CD109: variants seen among roughly 807,000 people sequenced by gnomAD.
CD109 encodes the protein CD109 antigen.
CD109 carries 149 observed loss-of-function variants against 165.8 expected under a neutral mutation model. The observed-to-expected ratio is 0.90, with a 90% CI of 0.79 to 1.03. The LOEUF (loss-of-function observed/expected upper bound fraction) is 1.03. Among genes scored for constraint, CD109 ranks in the 50% least tolerant of loss-of-function variants. The pLI is 0.00. For synonymous variants in CD109, 585 were observed against 592.1 expected (o/e 0.99, Z 0.18); for missense variants, 1,712 against 1,677.8 (o/e 1.02, Z -0.36).
At chr6:73,726,461 C>T (rs1445048557) in intron 3 of CD109, among the ~76,000 whole-genome samples, 1 of 152,098 alleles carries the variant, frequency 6.6e-6, no homozygotes, top group East Asian at 1.9e-4. Flanking sequence ...TTAATGGAAA[C>T]TATCATCTTA....
chr6:73,812,087 T>C (rs1243385574), intron 28 of CD109, 118 bp from the exon 29 acceptor site: 3 of 638,996 alleles, frequency 4.7e-6, no homozygotes, highest in Non-Finnish European at 8.4e-6. Flanking sequence ...GCAAAGCTCT[T>C]AGTGCTGTCA....
At position 73,723,163 on chromosome 6, in the gene CD109, A is replaced by C. The variant is rs1428051782; in HGVS notation, c.248-88A>C. ...ATTTATGATTCCACCTACACATGTA[A>C]GAGTATTGGGAGAGTTTTGGAAGGT... is the stretch of plus-strand genomic sequence containing the variant. On this transcript the variant is annotated intron_variant, in intron 2 of 32. Transcript: ENST00000287097. The C allele has an allele frequency of 6.3e-6, 10 of 1,596,224 alleles. No homozygotes were observed. In the Admixed American group the frequency reaches 1.1e-4, roughly 17 times the overall value.
intron 17 of CD109, among the ~76,000 whole-genome samples, chr6:73,782,232 A>C (rs1463768771): frequency 6.6e-6 from 1 of 152,174 alleles, no homozygotes; most frequent in Non-Finnish European, 1.5e-5. Context: ...AGATGTTATG[A>C]AGTCATTATG....
intron 31 of CD109, among the ~76,000 whole-genome samples, chr6:73,820,199 A>G (rs1385757667): frequency 2.0e-5 from 3 of 152,210 alleles, no homozygotes; most frequent in Non-Finnish European, 4.4e-5. Context: ...ATGCACCCTA[A>G]GGCTTGCTGC....
At chr6:73,821,114 C>T (rs1445827579) in intron 32 of CD109, among the ~76,000 whole-genome samples, 1 of 151,978 alleles carries the variant, frequency 6.6e-6, no homozygotes, top group Non-Finnish European at 1.5e-5. Context: ...CCAATGAGAA[C>T]ACTTGGACAC....
intron 23 of CD109, among the ~76,000 whole-genome samples, chr6:73,802,229 C>A (rs989444412): frequency 1.4e-5 from 2 of 141,976 alleles, no homozygotes; most frequent in Admixed American, 7.2e-5. Flanking sequence ...TGTAATGATA[C>A]TTCATTGCCA....
intron 23 of CD109, among the ~76,000 whole-genome samples, chr6:73,797,428 GAGAA>G (rs1775202217): frequency 1.3e-5 from 2 of 152,286 alleles, no homozygotes; most frequent in Admixed American, 6.5e-5. Flanking sequence ...ATAAAAATAA[GAGAA>G]AGAAAGCTTC....
rs945230947 is a variant in CD109 at position 73,767,006 on chromosome 6, A to G, written c.1493A>G (p.Tyr498Cys). Reference sequence around the variant, plus strand: ...AACAAACGATTGAAGGAGTTAAGCTATATGGTAATCTCTTATAGAATCTAA... The same window carrying G: ...AACAAACGATTGAAGGAGTTAAGCTGTATGGTAATCTCTTATAGAATCTAA... Reference protein sequence around the residue: ...SGNKRLKELSYMVVSRGQLVA... With the variant: ...SGNKRLKELSCMVVSRGQLVA... Residue 498 changes from tyrosine (Y) to cysteine (C), a missense_variant, in exon 13 of 33, where the codon TAT (tyrosine) becomes TGT (cysteine). Coordinates refer to ENST00000287097, the MANE Select transcript of CD109 (RefSeq NM_133493.5). 8.7e-6 allele frequency: 14 copies of G among 1,611,774 alleles called. No individual in the cohort carries two copies. Among genetic ancestry groups the G allele is most frequent in the Middle Eastern group, 1.7e-4 (1 of 5,916 alleles).
intron 23 of CD109, among the ~76,000 whole-genome samples, chr6:73,798,080 C>T (rs7763254): frequency 0.54 from 81,524 of 150,762 alleles, 22,539 homozygotes; most frequent in African/African-American, 0.66. Context: ...GTATTAACAA[C>T]AAACATTATA....
intron 2 of CD109, among the ~76,000 whole-genome samples, chr6:73,705,529 C>T (rs946841712): frequency 1.3e-5 from 2 of 152,070 alleles, no homozygotes; most frequent in African/African-American, 2.4e-5. Flanking sequence ...GTAGTCCCAG[C>T]TACTCAGGAG....
chr6:73,764,792 G>C (rs1773770883), intron 10 of CD109, among the ~76,000 whole-genome samples: 1 of 150,358 alleles, frequency 6.7e-6, no homozygotes, highest in South Asian at 2.1e-4. Flanking sequence ...CTCCAGCCTG[G>C]GCAACAAAAG....
At chr6:73,758,210 T>C (rs1773471344) in intron 6 of CD109, among the ~76,000 whole-genome samples, 1 of 152,138 alleles carries the variant, frequency 6.6e-6, no homozygotes, top group African/African-American at 2.4e-5. Context: ...TTTTTGATAC[T>C]TCTCTTATGT....
intron 28 of CD109, 56 bp from the exon 29 acceptor site, chr6:73,812,149 G>T: frequency 8.6e-7 from 1 of 1,161,054 alleles, no homozygotes; most frequent in Middle Eastern, 2.0e-4. Flanking sequence ...TTTGCTACTT[G>T]GAAGGATCTA....
intron 1 of CD109, among the ~76,000 whole-genome samples, chr6:73,697,052 A>C (rs1770867729): frequency 6.6e-6 from 1 of 152,214 alleles, no homozygotes; most frequent in Non-Finnish European, 1.5e-5. Flanking sequence ...TGTAAAGGAG[A>C]AGCTTAGAGA....
rs1373269205 is a variant in CD109 at position 73,825,355 on chromosome 6, TAA to T, written c.*1723_*1724del. 6.6e-6 allele frequency: 1 copy of T among 152,196 alleles called. No individual in the cohort carries two copies. The highest frequency in any genetic ancestry group is 1.5e-5 in the Non-Finnish European group (1 of 68,028). 9.4% of individuals were successfully genotyped at this position (152,196 alleles called of 1,614,324 possible). A position where few individuals can be genotyped will look rare whatever the true frequency, so the allele number is the denominator to read the frequency against. The stretch of plus-strand genomic sequence containing the variant: ...CAATCTGTTCTAAAACAGGCACTTG[TAA>T]TGTTGGGGCCTCCTTGTAAACGTGT... On this transcript the variant is annotated 3_prime_UTR_variant, in exon 33 of 33. Coordinates refer to ENST00000287097, the MANE Select transcript of CD109 (RefSeq NM_133493.5).
intron 23 of CD109, among the ~76,000 whole-genome samples, chr6:73,802,257 A>ATGTGTGTG (rs533767572): frequency 1.0e-5 from 1 of 100,390 alleles, no homozygotes; most frequent in Admixed American, 1.3e-4. Context: ...GCATGTGTAT[A>ATGTGTGTG]TGTGTGTGTG....
chr6:73,792,366 T>G lies in CD109; in HGVS notation c.2702-260T>G, dbSNP rs148516306. Among the ~76,000 whole-genome samples, 589 of 152,348 alleles carry G rather than the reference T, an allele frequency of 3.9e-3. 2 individuals carry two copies. The highest frequency in any genetic ancestry group is 0.014 in the African/African-American group (563 of 41,596). On this transcript the variant is annotated intron_variant, in intron 22 of 32. Coordinates refer to ENST00000287097, the MANE Select transcript of CD109 (RefSeq NM_133493.5). ...ATTTTTAAAAAAATTATTTTTTGCC[T>G]AATTTATGCCACATGCTTAACTGAG...
chr6:73,710,615 C>G (rs1048643153), intron 2 of CD109, among the ~76,000 whole-genome samples: 3 of 151,938 alleles, frequency 2.0e-5, no homozygotes, highest in African/African-American at 7.3e-5. Context: ...TATGTTGTAC[C>G]TGGTGTTTCT....
At position 73,721,037 on chromosome 6, in the gene CD109, C is replaced by T. The variant is rs573558974; in HGVS notation, c.248-2214C>T. On this transcript the variant is annotated intron_variant, in intron 2 of 32. Transcript: ENST00000287097. Reference sequence around the variant, plus strand: ...GGCATCGTTTTCTCTAGGTGCCTTCCCTTCATCCCTCCAATGTGCTCCTTG... The same window carrying T: ...GGCATCGTTTTCTCTAGGTGCCTTCTCTTCATCCCTCCAATGTGCTCCTTG... Among the ~76,000 whole-genome samples, 6 of 152,352 alleles carry T rather than the reference C, an allele frequency of 3.9e-5. No homozygotes were observed. In the South Asian group the frequency reaches 8.3e-4, roughly 21 times the overall value.
Sources: gnomAD v4.1 joint callset for allele counts (sites outside exome capture counted in the v4.1 genomes callset) on GRCh38, gnomAD v4.1.1 for gene constraint, MANE v1.5 for transcripts, NCBI Gene and HGNC (gene_info 2026-07-23, HGNC 2026-07-21) for gene names.